ANTXR1: variants seen among roughly 807,000 people sequenced by gnomAD.
The protein encoded by ANTXR1 is anthrax toxin receptor 1.
A neutral mutation model predicts 78.1 loss-of-function variants in ANTXR1; 19 were observed. That is an observed-to-expected ratio of 0.24 (90% CI 0.17 to 0.36). The LOEUF is 0.36. Ranked by LOEUF, ANTXR1 falls within the 10% of genes least tolerant of loss-of-function variation. ANTXR1 has a pLI of 1.00. For missense variants in ANTXR1, 518 were observed against 718.6 expected, an observed-to-expected ratio of 0.72 and a Z score of 3.19; for synonymous variants, 273 against 260.5, an observed-to-expected ratio of 1.05 and a Z score of -0.46.
chr2:69,024,933 C>T (rs938310546), intron 1 of ANTXR1, among the ~76,000 whole-genome samples: 7 of 152,208 alleles, frequency 4.6e-5, no homozygotes, highest in African/African-American at 1.7e-4. Flanking sequence ...ACCCCTTAGA[C>T]ATTTCCGAAG....
intron 2 of ANTXR1, among the ~76,000 whole-genome samples, chr2:69,041,414 G>A (rs143425282): frequency 6.6e-6 from 1 of 152,312 alleles, no homozygotes; most frequent in African/African-American, 2.4e-5. Flanking sequence ...GTCCTTTGGA[G>A]TGATATAAAA....
intron 17 of ANTXR1, among the ~76,000 whole-genome samples, chr2:69,243,100 T>C (rs2104534376): frequency 6.6e-6 from 1 of 152,300 alleles, no homozygotes; most frequent in African/African-American, 2.4e-5. Context: ...GCATTGCAAC[T>C]CCTAAACCAA....
intron 13 of ANTXR1, among the ~76,000 whole-genome samples, chr2:69,164,034 A>G (rs1673756596): frequency 6.6e-6 from 1 of 152,224 alleles, no homozygotes; most frequent in African/African-American, 2.4e-5. Flanking sequence ...CACAAGTTAC[A>G]TATCTGTGTT....
In ANTXR1 at chr2:69,123,098, C is replaced by A; in HGVS notation, c.872+12C>A. ...AAAGAAGTTGGCATGTAAGTTTTCA[C>A]CAGCAACTGAACCTCCCAGCCAGGG... On this transcript the variant is annotated intron_variant, in intron 11 of 17. Transcript: ENST00000303714. 6.2e-7 allele frequency: 1 copy of A among 1,613,816 alleles called. No homozygotes were observed. Among genetic ancestry groups the A allele is most frequent in the Non-Finnish European group, 8.5e-7 (1 of 1,179,772 alleles).
chr2:69,035,839 T>C (rs1669387214), intron 1 of ANTXR1, among the ~76,000 whole-genome samples: 1 of 152,244 alleles, frequency 6.6e-6, no homozygotes, highest in South Asian at 2.1e-4. Flanking sequence ...AGCAAGAGTT[T>C]TGATGGATGT....
rs987165725 is a variant in ANTXR1 at position 69,146,384 on chromosome 2, T to A, written c.952-5785T>A. 1.4e-5 allele frequency: 14 copies of A among 983,676 alleles called. No individual in the cohort carries two copies. In the Admixed American group the frequency reaches 3.7e-4, roughly 26 times the overall value. The allele number at this position is 983,676 out of a possible 1,614,324, so 60.9% of individuals were successfully genotyped here. A position where few individuals can be genotyped will look rare whatever the true frequency, so the allele number is the denominator to read the frequency against. On this transcript the variant is annotated intron_variant, in intron 12 of 17. Transcript: ENST00000303714. ...TTTTAAACTTTATTTCCATTTTTTT[T>A]AATAAAATAAGAATTGGACTTGGGT... is the stretch of plus-strand genomic sequence containing the variant.
At chr2:69,080,752 G>A (rs1047665265) in intron 8 of ANTXR1, among the ~76,000 whole-genome samples, 1 of 152,188 alleles carries the variant, frequency 6.6e-6, no homozygotes, top group Non-Finnish European at 1.5e-5. Flanking sequence ...GGTTGACAAA[G>A]AACCCAGGTT....
In ANTXR1 at chr2:69,013,494, C is replaced by CG. The variant is rs1670928859; in HGVS notation, c.-3dup. 6.3e-7 allele frequency: 1 copy of CG among 1,587,898 alleles called. No individual in the cohort carries two copies. The highest frequency in any genetic ancestry group is 1.2e-5 in the South Asian group (1 of 86,536). On this transcript the variant is annotated 5_prime_UTR_variant, in exon 1 of 18. Transcript: ENST00000303714. This position sits in a 1 kb window ranked among gnomAD's most constrained non-coding sequence, Gnocchi z 5.0. ...AGCGGACCCTGCTCTCCCCGGGCTG[C>CG]GGGCCATGGCCACGGCGGAGCGGAG...
At chr2:69,024,898 G>C (rs1310089838) in intron 1 of ANTXR1, among the ~76,000 whole-genome samples, 1 of 152,056 alleles carries the variant, frequency 6.6e-6, no homozygotes, top group African/African-American at 2.4e-5. Context: ...ATCTGATGTC[G>C]ATACTATCTT....
At chr2:69,145,623 T>C (rs771233288) in intron 12 of ANTXR1, 25 of 1,264,800 alleles carry the variant, frequency 2.0e-5, no homozygotes, top group Non-Finnish European at 2.4e-5. Context: ...AATCACTCCA[T>C]GCGGTGGGCA....
intron 16 of ANTXR1, among the ~76,000 whole-genome samples, chr2:69,184,287 A>G (rs999104987): frequency 1.3e-5 from 2 of 152,196 alleles, no homozygotes; most frequent in Non-Finnish European, 2.9e-5. Context: ...TTGGTTTGCC[A>G]TGTTTGAAGC....
chr2:69,115,102 C>G (rs1163385149), intron 10 of ANTXR1, among the ~76,000 whole-genome samples: 1 of 152,188 alleles, frequency 6.6e-6, no homozygotes, highest in African/African-American at 2.4e-5. Flanking sequence ...ATGTTCAGCA[C>G]CATCCCTGGT....
intron 14 of ANTXR1, among the ~76,000 whole-genome samples, chr2:69,173,084 A>G (rs1674036394): frequency 6.6e-6 from 1 of 152,156 alleles, no homozygotes; most frequent in Admixed American, 6.5e-5. Flanking sequence ...AAAAACAGAG[A>G]CCAGTTCAAG....
At chr2:69,113,013 T>C (rs1672035784) in intron 10 of ANTXR1, among the ~76,000 whole-genome samples, 1 of 152,190 alleles carries the variant, frequency 6.6e-6, no homozygotes, top group South Asian at 2.1e-4. Flanking sequence ...AGTCCAAAGT[T>C]AGCTGCACCA....
chr2:69,025,732 C>G (rs1306997276), intron 1 of ANTXR1, among the ~76,000 whole-genome samples: 1 of 152,180 alleles, frequency 6.6e-6, no homozygotes, highest in Non-Finnish European at 1.5e-5. Flanking sequence ...CAACACTAAG[C>G]ATAAATAACC....
rs1558743670 is a variant in ANTXR1 at position 69,052,284 on chromosome 2, CT to C, written c.296+7479del. ...TTTTTAATTCCTCAGTTTGCTAAGTCTTTTTTTTAGGTAAGATTTTCCTGAA... is the reference window on the plus strand; with the variant it reads ...TTTTTAATTCCTCAGTTTGCTAAGTCTTTTTTTAGGTAAGATTTTCCTGAA... On this transcript the variant is annotated intron_variant, in intron 3 of 17. Coordinates refer to ENST00000303714, the MANE Select transcript of ANTXR1 (RefSeq NM_032208.3). Among the ~76,000 whole-genome samples, 10 of 151,556 alleles carry C rather than the reference CT, an allele frequency of 6.6e-5. No homozygotes were observed. In the South Asian group the frequency reaches 2.1e-3, roughly 32 times the overall value.
At chr2:69,233,718 T>C (rs750923080) in intron 17 of ANTXR1, among the ~76,000 whole-genome samples, 20 of 151,932 alleles carry the variant, frequency 1.3e-4, no homozygotes, top group Non-Finnish European at 2.4e-4. Flanking sequence ...ATACTGAAGG[T>C]ATTCCCACTA....
At chr2:69,125,407 G>A (rs1327593758) in intron 12 of ANTXR1, among the ~76,000 whole-genome samples, 2 of 152,178 alleles carry the variant, frequency 1.3e-5, no homozygotes, top group Non-Finnish European at 2.9e-5. Context: ...AGCTTTGGTG[G>A]TTCCACGGCA....
intron 17 of ANTXR1, among the ~76,000 whole-genome samples, chr2:69,221,627 G>A (rs75892761): frequency 0.049 from 7,324 of 150,198 alleles, 620 homozygotes; most frequent in African/African-American, 0.17. Context: ...AGAACAACCA[G>A]AGAGAGACTC....
Sources: gnomAD v4.1 joint callset for allele counts (sites outside exome capture counted in the v4.1 genomes callset) on GRCh38, gnomAD v4.1.1 for gene constraint, Gnocchi (gnomAD v3.1) non-coding constraint, MANE v1.5 for transcripts, NCBI Gene and HGNC (gene_info 2026-07-23, HGNC 2026-07-21) for gene names.